Variants in CADM2 observed in about 807,000 individuals in gnomAD.
CADM2 encodes the protein cell adhesion molecule 2.
Under a neutral mutation model 49.8 loss-of-function variants are expected in CADM2, and 12 were observed. The ratio of observed to expected loss-of-function variants is 0.24; its 90% CI spans 0.15 to 0.39. CADM2 has a LOEUF of 0.39. CADM2 is among the 10% of genes least tolerant of loss of function. The pLI, the probability that CADM2 is intolerant of heterozygous loss-of-function variation, is 1.00. For missense variants in CADM2, 378 were observed against 492.3 expected, an observed-to-expected ratio of 0.77 and a Z score of 2.20; for synonymous variants, 214 against 175.4, an observed-to-expected ratio of 1.22 and a Z score of -1.74.
At chr3:85,726,612 C>A in intron 2 of CADM2, 64 bp downstream of exon 2, 6 of 1,312,596 alleles carry the variant, frequency 4.6e-6, no homozygotes, top group Admixed American at 1.7e-5. Flanking sequence ...CTTCTAAGTT[C>A]TCTTAAATGA....
At chr3:86,000,360 A>G (rs537013787) in intron 8 of CADM2, among the ~76,000 whole-genome samples, 9 of 152,326 alleles carry the variant, frequency 5.9e-5, no homozygotes, top group African/African-American at 2.2e-4. Flanking sequence ...GTTTCCTGAA[A>G]AAGATTTTCT....
At chr3:86,006,347 T>C (rs1730789323) in intron 8 of CADM2, among the ~76,000 whole-genome samples, 2 of 152,226 alleles carry the variant, frequency 1.3e-5, no homozygotes, top group African/African-American at 2.4e-5. Flanking sequence ...GTCAACATGA[T>C]GGCAGGATCT....
At chr3:85,063,821 A>C (rs2036424840) in intron 1 of CADM2, among the ~76,000 whole-genome samples, 1 of 152,188 alleles carries the variant, frequency 6.6e-6, no homozygotes, top group Middle Eastern at 3.4e-3. Context: ...GGGTATATTA[A>C]AACTCATTAG....
intron 1 of CADM2, among the ~76,000 whole-genome samples, chr3:85,186,443 T>G (rs1401050231): frequency 6.6e-6 from 1 of 152,184 alleles, no homozygotes; most frequent in Admixed American, 6.5e-5. Flanking sequence ...ATTTTTTTCC[T>G]AGTAAGAAAA....
intron 1 of CADM2, among the ~76,000 whole-genome samples, chr3:85,107,617 CTTTCTTTCTTTCTT>C (rs1200171063): frequency 9.1e-5 from 13 of 142,258 alleles, no homozygotes; most frequent in African/African-American, 2.8e-4. Context: ...CTTTTTCTTT[CTTTCTTTCTTTCTT>C]TTTCTTTCTT....
At chr3:85,308,750 C>A (rs2044275378) in intron 1 of CADM2, among the ~76,000 whole-genome samples, 1 of 151,988 alleles carries the variant, frequency 6.6e-6, no homozygotes, top group Non-Finnish European at 1.5e-5. Flanking sequence ...TCTCCACTTA[C>A]ATGCACACCT....
intron 3 of CADM2, among the ~76,000 whole-genome samples, chr3:85,875,657 A>C (rs541675657): frequency 6.6e-6 from 1 of 152,334 alleles, no homozygotes; most frequent in South Asian, 2.1e-4. Context: ...CATGGCTAGC[A>C]GATTGCATGA....
At chr3:85,061,352 A>G (rs1020128218) in intron 1 of CADM2, among the ~76,000 whole-genome samples, 1 of 152,168 alleles carries the variant, frequency 6.6e-6, no homozygotes, top group African/African-American at 2.4e-5. Context: ...GGTGTGAATT[A>G]TATATAAATT....
At chr3:85,259,571 T>C (rs1317376097) in intron 1 of CADM2, among the ~76,000 whole-genome samples, 1 of 152,126 alleles carries the variant, frequency 6.6e-6, no homozygotes, top group Non-Finnish European at 1.5e-5. Flanking sequence ...TTACAAACTT[T>C]ATATGCCACA....
intron 1 of CADM2, among the ~76,000 whole-genome samples, chr3:84,994,563 C>T (rs1395049119): frequency 6.6e-6 from 1 of 152,028 alleles, no homozygotes; most frequent in Non-Finnish European, 1.5e-5. Flanking sequence ...TCTTTGTCTT[C>T]TTTATTGCTT....
intron 1 of CADM2, among the ~76,000 whole-genome samples, chr3:85,068,402 T>C (rs1474259265): frequency 6.6e-6 from 1 of 152,176 alleles, no homozygotes; most frequent in Admixed American, 6.5e-5. Flanking sequence ...TGGAACTCTG[T>C]AAAGTATAGG....
intron 1 of CADM2, among the ~76,000 whole-genome samples, chr3:85,557,992 A>G (rs4441668): frequency 0.51 from 77,529 of 151,632 alleles, 22,864 homozygotes; most frequent in East Asian, 0.85. Flanking sequence ...CTAGGAAAAA[A>G]GAGCAAATGA....
chr3:85,111,854 T>G (rs1165889025), intron 1 of CADM2, among the ~76,000 whole-genome samples: 1 of 151,832 alleles, frequency 6.6e-6, no homozygotes, highest in Non-Finnish European at 1.5e-5. Context: ...ATTGAAACAT[T>G]TTATCTTAAC....
At chr3:85,689,122 G>A (rs190107261) in intron 1 of CADM2, among the ~76,000 whole-genome samples, 160 of 152,252 alleles carry the variant, frequency 1.1e-3, no homozygotes, top group Admixed American at 2.3e-3. Flanking sequence ...CAAAAACATG[G>A]ATGAATCTGA....
intron 1 of CADM2, among the ~76,000 whole-genome samples, chr3:85,036,812 T>C (rs753319448): frequency 6.6e-6 from 1 of 151,930 alleles, no homozygotes; most frequent in African/African-American, 2.4e-5. Context: ...CCCTGTAAAA[T>C]TGACTATGGT....
rs1349137717 is a variant in CADM2, at chr3:85,733,856, A to G, written c.88+7308A>G. Among the ~76,000 whole-genome samples, 3 of 152,236 alleles carry G rather than the reference A, an allele frequency of 2.0e-5. No homozygotes were observed. In the South Asian group the frequency reaches 6.2e-4, roughly 32 times the overall value. On this transcript the variant is annotated intron_variant, in intron 2 of 9. Transcript: ENST00000383699. ...TCATTCAGTTGGTTCATGTCATTCT[A>G]TTATGCTAATAAAATTGGTATTTGC...
At chr3:85,671,604 T>TCCTTCC in intron 1 of CADM2, among the ~76,000 whole-genome samples, 1 of 152,240 alleles carries the variant, frequency 6.6e-6, no homozygotes, top group South Asian at 2.1e-4. Context: ...TTTTCCCTTC[T>TCCTTCC]CCTTCCCCTT....
intron 1 of CADM2, among the ~76,000 whole-genome samples, chr3:85,166,526 A>G (rs865774052): frequency 1.3e-5 from 2 of 151,896 alleles, no homozygotes; most frequent in South Asian, 2.1e-4. Context: ...TATTGCATCA[A>G]AAATTTCTGA....
intron 1 of CADM2, among the ~76,000 whole-genome samples, chr3:85,058,966 T>G (rs2036197106): frequency 6.6e-6 from 1 of 151,710 alleles, no homozygotes; most frequent in South Asian, 2.1e-4. Context: ...TATTCTTAAT[T>G]ATCAAATTTC....
Sources: gnomAD v4.1 joint callset for allele counts (sites outside exome capture counted in the v4.1 genomes callset) on GRCh38, gnomAD v4.1.1 for gene constraint, MANE v1.5 for transcripts, NCBI Gene and HGNC (gene_info 2026-07-23, HGNC 2026-07-21) for gene names.